Variants in AKAP13 observed in about 807,000 individuals in gnomAD.
AKAP13 encodes the protein A-kinase anchoring protein 13.
In AKAP13, 80 loss-of-function variants were observed where a neutral mutation model predicts 264.5. The observed-to-expected ratio is 0.30, with a 90% CI of 0.25 to 0.36. The LOEUF is 0.36. AKAP13 is among the 10% of genes least tolerant of loss of function. The probability of loss-of-function intolerance (pLI) is 1.00; values close to 1 mark genes in which losing one functional copy is unlikely to be tolerated. For missense variants in AKAP13, 3,712 were observed against 3,435.2 expected (o/e 1.08, Z -2.01); for synonymous variants, 1,380 against 1,250.2 (o/e 1.10, Z -2.19).
At position 85,519,915 on chromosome 15, in the gene AKAP13, C is replaced by T. The variant is rs113111318; in HGVS notation, c.34-1513C>T. Among the ~76,000 whole-genome samples, 17 of 152,186 alleles carry T rather than the reference C, an allele frequency of 1.1e-4. No individual in the cohort carries two copies. The Middle Eastern group carries it at 0.017, about 152-fold the overall frequency. ...TGTTGGCTTTAATTGTTGCTAAAAT[C>T]GAAAGGAAAAATATTCTGTACATAA... On this transcript the variant is annotated intron_variant, in intron 2 of 36. Transcript: ENST00000394518.
At chr15:85,741,597 T>A in intron 35 of AKAP13, 102 bp downstream of exon 35, 4 of 1,431,702 alleles carry the variant, frequency 2.8e-6, no homozygotes, top group Non-Finnish European at 3.7e-6. Flanking sequence ...AGAGCCTGTT[T>A]TTGGCCAGAT....
chr15:85,433,837 A>G (rs1408006456), intron 1 of AKAP13, among the ~76,000 whole-genome samples: 3 of 151,930 alleles, frequency 2.0e-5, no homozygotes, highest in Non-Finnish European at 4.4e-5. Context: ...GCTACTCGGG[A>G]GGCTGAGGCA....
chr15:85,470,846 A>C (rs781556544), intron 1 of AKAP13, among the ~76,000 whole-genome samples: 13 of 152,254 alleles, frequency 8.5e-5, no homozygotes, highest in Non-Finnish European at 1.8e-4. Context: ...GCAGTATCTC[A>C]GGAACATTCA....
intron 14 of AKAP13, among the ~76,000 whole-genome samples, chr15:85,673,646 G>C (rs1048306890): frequency 6.9e-6 from 1 of 145,586 alleles, no homozygotes; most frequent in Non-Finnish European, 1.5e-5. Flanking sequence ...AGTTATTACA[G>C]ATGATCCCTT....
chr15:85,663,520 T>C (rs913659357), intron 12 of AKAP13, among the ~76,000 whole-genome samples: 2 of 152,188 alleles, frequency 1.3e-5, no homozygotes, highest in African/African-American at 4.8e-5. Context: ...ATACAAGTCC[T>C]GGACTGGTAG....
At chr15:85,583,092 A>G (rs2079191530) in intron 7 of AKAP13, 3 of 985,326 alleles carry the variant, frequency 3.0e-6, no homozygotes, top group Non-Finnish European at 3.6e-6. Flanking sequence ...TTTGATGCAC[A>G]CTTCTATACC....
chr15:85,718,766 G>T lies in AKAP13; in HGVS notation c.6002-310G>T. ...AATACAAAAATCAGCCAGGCGTGAT[G>T]GCATGTACCTGCAGCCCCAGCTGCT... On this transcript the variant is annotated intron_variant, in intron 22 of 36. Coordinates refer to ENST00000394518, the MANE Select transcript of AKAP13 (RefSeq NM_007200.5). The surrounding 1 kb of genome is among the most constrained non-coding windows in gnomAD (Gnocchi z 4.9). The T allele has an allele frequency of 3.1e-6, 1 of 326,274 alleles. No individual in the cohort carries two copies. Among genetic ancestry groups the T allele is most frequent in the Admixed American group, 4.6e-5 (1 of 21,514 alleles). 20.2% of individuals were successfully genotyped at this position (326,274 alleles called of 1,614,324 possible). A position where few individuals can be genotyped will look rare whatever the true frequency, so the allele number is the denominator to read the frequency against.
chr15:85,454,490 G>C (rs2074210511), intron 1 of AKAP13, among the ~76,000 whole-genome samples: 1 of 152,072 alleles, frequency 6.6e-6, no homozygotes, highest in Non-Finnish European at 1.5e-5. Flanking sequence ...TTCTCTGTGG[G>C]TCAAGTTGTT....
intron 8 of AKAP13, among the ~76,000 whole-genome samples, chr15:85,626,782 G>A (rs2081429501): frequency 6.6e-6 from 1 of 151,978 alleles, no homozygotes; most frequent in Admixed American, 6.6e-5. Flanking sequence ...TGGATCATAA[G>A]GTAATTGTAT....
intron 14 of AKAP13, among the ~76,000 whole-genome samples, chr15:85,672,904 C>A (rs2084001620): frequency 6.6e-6 from 1 of 152,238 alleles, no homozygotes; most frequent in Non-Finnish European, 1.5e-5. Context: ...CTCACCATTG[C>A]TAGGACATTG....
chr15:85,489,709 C>T (rs2075671179), intron 2 of AKAP13, among the ~76,000 whole-genome samples: 1 of 152,100 alleles, frequency 6.6e-6, no homozygotes, highest in South Asian at 2.1e-4. Flanking sequence ...TCAGTTAAGA[C>T]AAATAGGCTG....
chr15:85,491,046 A>T (rs1027292700), intron 2 of AKAP13, among the ~76,000 whole-genome samples: 11 of 152,160 alleles, frequency 7.2e-5, no homozygotes, highest in African/African-American at 2.7e-4. Context: ...GTAGTAACTT[A>T]ATATGTTTGA....
rs1267109500 is a variant in AKAP13, at chr15:85,729,868, C to CAGGAGG, written c.7088-644_7088-639dup. ...GGAGAATCGCTTAATCACTTGAACCCAGGAGGTGGAGGTTACGGTGAGCCA... is the reference window on the plus strand; with the variant it reads ...GGAGAATCGCTTAATCACTTGAACCCAGGAGGAGGAGGTGGAGGTTACGGTGAGCCA... On this transcript the variant is annotated intron_variant, in intron 29 of 36. Coordinates refer to ENST00000394518, the MANE Select transcript of AKAP13 (RefSeq NM_007200.5). Among the ~76,000 whole-genome samples the CAGGAGG allele has an allele frequency of 3.5e-4, 53 of 152,150 alleles. 1 individual carries two copies. Among genetic ancestry groups the CAGGAGG allele is most frequent in the Non-Finnish European group, 4.7e-4 (32 of 67,994 alleles).
intron 13 of AKAP13, among the ~76,000 whole-genome samples, chr15:85,668,563 G>C (rs1181401621): frequency 6.6e-6 from 1 of 152,164 alleles, no homozygotes; most frequent in South Asian, 2.1e-4. Flanking sequence ...AAGAGGATAG[G>C]GAAGAGATTT....
At chr15:85,552,714 G>A (rs1219582264) in intron 5 of AKAP13, among the ~76,000 whole-genome samples, 3 of 137,564 alleles carry the variant, frequency 2.2e-5, no homozygotes, top group South Asian at 4.9e-4. Flanking sequence ...TGCAACCTCC[G>A]CCTCCCGGGT....
intron 1 of AKAP13, among the ~76,000 whole-genome samples, chr15:85,476,667 A>G (rs756469850): frequency 2.0e-4 from 30 of 152,268 alleles, no homozygotes; most frequent in Non-Finnish European, 3.8e-4. Flanking sequence ...ACTCAATTCT[A>G]GGTCTTTTTG....
intron 10 of AKAP13, among the ~76,000 whole-genome samples, chr15:85,652,798 C>G (rs188317591): frequency 6.6e-6 from 1 of 152,162 alleles, no homozygotes. Context: ...AGACACTGCA[C>G]TCCAATCTCT....
intron 9 of AKAP13, among the ~76,000 whole-genome samples, chr15:85,644,445 T>C (rs1015222956): frequency 1.3e-5 from 2 of 151,578 alleles, no homozygotes; most frequent in African/African-American, 2.4e-5. Context: ...TTTCACCATG[T>C]TGACCAGGCT....
rs1287147236 is a variant in AKAP13 at position 85,717,946 on chromosome 15, A to G, written c.5849-61A>G. 21 of 1,554,044 alleles carry G rather than the reference A, an allele frequency of 1.4e-5. No individual in the cohort carries two copies. In the East Asian group the frequency reaches 4.5e-4, roughly 33 times the overall value. Reference sequence around the variant, plus strand: ...CAACTATCATCTTGAGGAAAGTCCAACATAGGCTTATTTTACAGGTCACAA... The same window carrying G: ...CAACTATCATCTTGAGGAAAGTCCAGCATAGGCTTATTTTACAGGTCACAA... On this transcript the variant is annotated intron_variant, in intron 21 of 36. Coordinates refer to ENST00000394518, the MANE Select transcript of AKAP13 (RefSeq NM_007200.5).
Sources: allele counts gnomAD v4.1 joint callset (sites outside exome capture counted in the v4.1 genomes callset), GRCh38; gene constraint gnomAD v4.1.1; non-coding constraint Gnocchi (gnomAD v3.1); transcripts MANE v1.5; gene names NCBI Gene and HGNC (gene_info 2026-07-23, HGNC 2026-07-21).